DLGAP1: variants seen among roughly 807,000 people sequenced by gnomAD.
The protein encoded by DLGAP1 is disks large-associated protein 1.
A neutral mutation model predicts 90.8 loss-of-function variants in DLGAP1; 11 were observed. That is an observed-to-expected ratio of 0.12 (90% CI 0.08 to 0.20). The LOEUF is 0.20. Ranked by LOEUF, DLGAP1 falls within the 10% of genes least tolerant of loss-of-function variation. The probability of loss-of-function intolerance (pLI) is 1.00; values close to 1 mark genes in which losing one functional copy is unlikely to be tolerated. For synonymous variants in DLGAP1, 558 were observed against 540.7 expected (o/e 1.03, Z -0.44); for missense variants, 1,050 against 1,333.8 (o/e 0.79, Z 3.31).
At chr18:3,798,354 G>A (rs2066114235) in intron 5 of DLGAP1, among the ~76,000 whole-genome samples, 1 of 152,206 alleles carries the variant, frequency 6.6e-6, no homozygotes, top group East Asian at 1.9e-4. Context: ...GGAGCAGGTT[G>A]CTTCATGGTC....
chr18:3,588,025 T>C (rs1263895026), intron 7 of DLGAP1, among the ~76,000 whole-genome samples: 3 of 152,252 alleles, frequency 2.0e-5, no homozygotes, highest in African/African-American at 7.2e-5. Flanking sequence ...AAATTATTTT[T>C]TTCCTCATCT....
intron 1 of DLGAP1, among the ~76,000 whole-genome samples, chr18:4,225,262 C>T (rs2078161661): frequency 6.6e-6 from 1 of 152,076 alleles, no homozygotes; most frequent in Admixed American, 6.6e-5. Context: ...GTTATGGTTG[C>T]AGTGACCTAA....
intron 4 of DLGAP1, among the ~76,000 whole-genome samples, chr18:3,852,976 T>C (rs1397484728): frequency 1.3e-5 from 2 of 152,008 alleles, no homozygotes; most frequent in Non-Finnish European, 2.9e-5. Flanking sequence ...CCTTGTCTGG[T>C]TTAAGTCTAT....
At chr18:4,098,204 G>A (rs1357216331) in intron 2 of DLGAP1, among the ~76,000 whole-genome samples, 6 of 152,174 alleles carry the variant, frequency 3.9e-5, no homozygotes, top group South Asian at 2.1e-4. Context: ...AGGAGCTACC[G>A]TGCCCAGCTG....
intron 7 of DLGAP1, among the ~76,000 whole-genome samples, chr18:3,659,349 T>C (rs112427559): frequency 0.019 from 2,832 of 150,534 alleles, 93 homozygotes; most frequent in African/African-American, 0.065. Flanking sequence ...GTGGCTGACA[T>C]TGACATTGCC....
At chr18:3,856,123 C>T (rs1274068798) in intron 4 of DLGAP1, among the ~76,000 whole-genome samples, 2 of 152,134 alleles carry the variant, frequency 1.3e-5, no homozygotes, top group Non-Finnish European at 1.5e-5. Flanking sequence ...GTTGGCCTGG[C>T]TCATCTACTT....
chr18:3,978,558 C>T (rs555393183), intron 3 of DLGAP1: 11 of 231,530 alleles, frequency 4.8e-5, no homozygotes, highest in East Asian at 1.1e-4. Flanking sequence ...AAAGCAGTTC[C>T]GGTGACCAGG....
intron 2 of DLGAP1, among the ~76,000 whole-genome samples, chr18:4,014,715 C>A (rs1236299781): frequency 6.6e-6 from 1 of 152,090 alleles, no homozygotes; most frequent in Non-Finnish European, 1.5e-5. Flanking sequence ...AACAAAAAGA[C>A]CCAAATAGTT....
At chr18:4,327,121 G>A (rs1280719301) in intron 1 of DLGAP1, among the ~76,000 whole-genome samples, 1 of 151,972 alleles carries the variant, frequency 6.6e-6, no homozygotes, top group Non-Finnish European at 1.5e-5. Flanking sequence ...ATTAGACATA[G>A]AAATAAGTTT....
At chr18:3,840,425 C>T (rs963236896) in intron 4 of DLGAP1, among the ~76,000 whole-genome samples, 1 of 152,166 alleles carries the variant, frequency 6.6e-6, no homozygotes, top group Non-Finnish European at 1.5e-5. Context: ...TCCATCTTCA[C>T]AACCAAGAGC....
intron 1 of DLGAP1, among the ~76,000 whole-genome samples, chr18:4,306,647 T>C (rs1385426949): frequency 6.6e-6 from 1 of 152,152 alleles, no homozygotes; most frequent in Non-Finnish European, 1.5e-5. Context: ...CTATTACATT[T>C]TATAATAAGT....
intron 1 of DLGAP1, among the ~76,000 whole-genome samples, chr18:4,182,049 T>C (rs2077218420): frequency 6.6e-6 from 1 of 152,150 alleles, no homozygotes; most frequent in Admixed American, 6.6e-5. Flanking sequence ...CATACCCATC[T>C]TTCCAAAGCA....
intron 1 of DLGAP1, among the ~76,000 whole-genome samples, chr18:4,397,065 C>G (rs1160559016): frequency 6.6e-6 from 1 of 152,196 alleles, no homozygotes; most frequent in Non-Finnish European, 1.5e-5. Context: ...GCAACCAAGG[C>G]AGGGTGTTTA....
intron 1 of DLGAP1, among the ~76,000 whole-genome samples, chr18:4,175,599 G>A (rs755431783): frequency 3.0e-4 from 46 of 151,982 alleles, no homozygotes; most frequent in African/African-American, 2.2e-4. Flanking sequence ...TTTGTATAAC[G>A]TGTAAGGAAG....
intron 7 of DLGAP1, among the ~76,000 whole-genome samples, chr18:3,640,742 C>A (rs1628281): frequency 6.6e-6 from 1 of 152,176 alleles, no homozygotes; most frequent in Non-Finnish European, 1.5e-5. Flanking sequence ...TTACAGCAAA[C>A]CTTATGTCTG....
At chr18:4,079,540 G>A (rs572549877) in intron 2 of DLGAP1, among the ~76,000 whole-genome samples, 1 of 152,094 alleles carries the variant, frequency 6.6e-6, no homozygotes, top group African/African-American at 2.4e-5. Flanking sequence ...CAGAAGTGGG[G>A]AGGGTGGGAG....
At chr18:4,200,062 G>GT (rs1387244537) in intron 1 of DLGAP1, among the ~76,000 whole-genome samples, 2 of 152,058 alleles carry the variant, frequency 1.3e-5, no homozygotes, top group Non-Finnish European at 2.9e-5. Context: ...TGTATACACA[G>GT]TTTTTTATCT....
At chr18:4,453,245 A>G (rs2144926751) in intron 1 of DLGAP1, among the ~76,000 whole-genome samples, 1 of 152,294 alleles carries the variant, frequency 6.6e-6, no homozygotes, top group Admixed American at 6.5e-5. Flanking sequence ...CAGAGTATGA[A>G]TTTTCTGAAC....
chr18:4,396,219 C>T (rs151102163), intron 1 of DLGAP1, among the ~76,000 whole-genome samples: 1,638 of 152,212 alleles, frequency 0.011, 14 homozygotes, highest in Non-Finnish European at 0.015. Flanking sequence ...AGCAGCAAAT[C>T]GATGAAGCTT....
Sources: gnomAD v4.1 joint callset for allele counts (sites outside exome capture counted in the v4.1 genomes callset) on GRCh38, gnomAD v4.1.1 for gene constraint, MANE v1.5 for transcripts, NCBI Gene and HGNC (gene_info 2026-07-23, HGNC 2026-07-21) for gene names.